Variants in SAXO3 observed in about 807,000 individuals in gnomAD.
SAXO3 encodes the protein stabilizer of axonemal microtubules 3.
At chr19:49,019,062 C>T in the SAXO3 span, 1 of 1,470,100 alleles carries the variant, frequency 6.8e-7, no homozygotes, top group African/African-American at 1.4e-5. Flanking sequence ...ATCCCAAGCC[C>T]TGGGTCCCGA....
the SAXO3 span, chr19:49,019,764 C>G: frequency 8.2e-7 from 1 of 1,222,506 alleles, no homozygotes; most frequent in Non-Finnish European, 1.1e-6. Flanking sequence ...TCTCGCTGCT[C>G]TGGTACTTTG....
At chr19:49,020,125 C>T in the SAXO3 span, 1 of 863,138 alleles carries the variant, frequency 1.2e-6, no homozygotes, top group Non-Finnish European at 1.7e-6. Context: ...GAGAAGGCGC[C>T]GCACATCAGC....
At chr19:49,019,165 C>T in the SAXO3 span, 1 of 1,412,576 alleles carries the variant, frequency 7.1e-7, no homozygotes, top group East Asian at 2.6e-5. Flanking sequence ...CCACCCACGC[C>T]AGGGAACTTC....
the SAXO3 span, chr19:49,019,648 T>C: frequency 4.8e-6 from 6 of 1,248,262 alleles, no homozygotes; most frequent in African/African-American, 4.7e-5. Flanking sequence ...CCCAGACACC[T>C]GGGAAGGACC....
the SAXO3 span, chr19:49,020,452 G>C: frequency 3.5e-5 from 14 of 399,294 alleles, no homozygotes; most frequent in Admixed American, 1.3e-4. Flanking sequence ...TGGCAGTTGG[G>C]CCTGGATCCA....
At chr19:49,018,130 G>A in the SAXO3 span, 2 of 400,100 alleles carry the variant, frequency 5.0e-6, no homozygotes, top group East Asian at 3.6e-5. Context: ...GCAGGGGGCT[G>A]TAGGACTCCT....
chr19:49,019,640 C>CA, the SAXO3 span: 140 of 1,260,140 alleles, frequency 1.1e-4, 1 homozygote, highest in African/African-American at 2.0e-3. Flanking sequence ...GGCTTCCACC[C>CA]AGACACCTGG....
At chr19:49,019,422 A>G in the SAXO3 span, 1 of 1,256,370 alleles carries the variant, frequency 8.0e-7, no homozygotes, top group Non-Finnish European at 1.0e-6. Flanking sequence ...CCCCACCCAC[A>G]GCCCGCCGTC....
chr19:49,018,171 T>C, the SAXO3 span: 2 of 409,652 alleles, frequency 4.9e-6, no homozygotes, highest in Admixed American at 4.4e-5. Context: ...CGGTGCGGCA[T>C]GGCCGAGGTC....
chr19:49,018,122 A>AG, the SAXO3 span: 2 of 399,496 alleles, frequency 5.0e-6, no homozygotes, highest in Non-Finnish European at 8.8e-6. Context: ...CGGGTGCAGC[A>AG]GGGGGCTGTA....
the SAXO3 span, chr19:49,020,508 C>T: frequency 2.5e-6 from 1 of 398,670 alleles, no homozygotes; most frequent in Non-Finnish European, 4.4e-6. Context: ...CAGGGTGCCA[C>T]TGGCCATGGT....
chr19:49,019,881 G>A, the SAXO3 span: 2 of 1,378,878 alleles, frequency 1.5e-6, no homozygotes, highest in East Asian at 2.6e-5. Flanking sequence ...CCTGTCCCCT[G>A]CGGACTCCGG....
the SAXO3 span, among the ~76,000 whole-genome samples, chr19:49,018,637 C>G: frequency 6.6e-6 from 1 of 151,988 alleles, no homozygotes; most frequent in Non-Finnish European, 1.5e-5. Context: ...GGAATCCCCT[C>G]GAGCCGCTGT....
chr19:49,020,511 G>C, the SAXO3 span: 2 of 398,778 alleles, frequency 5.0e-6, no homozygotes, highest in Non-Finnish European at 8.8e-6. Flanking sequence ...GGTGCCACTG[G>C]CCATGGTTCC....
chr19:49,020,409 A>C, the SAXO3 span: 1 of 399,718 alleles, frequency 2.5e-6, no homozygotes, highest in Non-Finnish European at 4.4e-6. Context: ...TATGGGTGGG[A>C]TAATGCGGTG....
chr19:49,018,179 G>T, the SAXO3 span: 1 of 419,710 alleles, frequency 2.4e-6, no homozygotes, highest in Non-Finnish European at 4.1e-6. Flanking sequence ...CATGGCCGAG[G>T]TCACCGGGCT....
chr19:49,018,427 C>G, the SAXO3 span: 4 of 790,064 alleles, frequency 5.1e-6, no homozygotes, highest in African/African-American at 7.2e-5. Flanking sequence ...TCTGCACATT[C>G]AAACTCCTGC....
chr19:49,020,076 T>C, the SAXO3 span: 6 of 1,410,464 alleles, frequency 4.3e-6, no homozygotes, highest in South Asian at 3.0e-5. Context: ...GAATCCTGCT[T>C]TGCAACTTGG....
chr19:49,018,186 G>T, the SAXO3 span: 10 of 431,978 alleles, frequency 2.3e-5, no homozygotes, highest in African/African-American at 2.0e-4. Context: ...GAGGTCACCG[G>T]GCTGACGCGC....
Sources: allele counts gnomAD v4.1 joint callset (sites outside exome capture counted in the v4.1 genomes callset), GRCh38; gene constraint gnomAD v4.1.1; transcripts MANE v1.5; gene names NCBI Gene and HGNC (gene_info 2026-07-23, HGNC 2026-07-21).